KCNH5: variants seen among roughly 807,000 people sequenced by gnomAD.
KCNH5 encodes the protein voltage-gated delayed rectifier potassium channel KCNH5.
A neutral mutation model predicts 96.1 loss-of-function variants in KCNH5; 46 were observed. That is an observed-to-expected ratio of 0.48 (90% CI 0.38 to 0.61). The LOEUF (loss-of-function observed/expected upper bound fraction) is 0.61, where lower values mean the gene tolerates loss of function less well. Among genes scored for constraint, KCNH5 ranks in the 20% least tolerant of loss-of-function variants. The pLI is 0.00. For missense variants in KCNH5, 907 were observed against 1,225.8 expected (o/e 0.74, Z 3.88); for synonymous variants, 439 against 449.8 (o/e 0.98, Z 0.30).
chr14:62,968,243 T>C (rs902261623), intron 6 of KCNH5, among the ~76,000 whole-genome samples: 2 of 152,242 alleles, frequency 1.3e-5, no homozygotes, highest in African/African-American at 2.4e-5. Context: ...TTTCTCCAAA[T>C]TTTTTCCCTA....
chr14:63,006,090 C>A (rs1002054326), intron 3 of KCNH5, among the ~76,000 whole-genome samples: 4 of 152,120 alleles, frequency 2.6e-5, no homozygotes, highest in Admixed American at 2.0e-4. Flanking sequence ...ATTATAGGAT[C>A]TTTATTATAA....
chr14:62,973,303 T>A (rs777929345), intron 6 of KCNH5, among the ~76,000 whole-genome samples: 6 of 152,218 alleles, frequency 3.9e-5, no homozygotes, highest in Non-Finnish European at 5.9e-5. Context: ...AAAAATCAAC[T>A]AATTCCAAGA....
chr14:62,925,453 A>G (rs540300433), intron 7 of KCNH5, among the ~76,000 whole-genome samples: 1 of 151,968 alleles, frequency 6.6e-6, no homozygotes, highest in Non-Finnish European at 1.5e-5. Flanking sequence ...ATACTATTAT[A>G]TTTATCCTTT....
chr14:62,922,692 G>A (rs185642999), intron 7 of KCNH5, among the ~76,000 whole-genome samples: 25 of 151,988 alleles, frequency 1.6e-4, no homozygotes, highest in Non-Finnish European at 3.1e-4. Flanking sequence ...TTAACAGAAT[G>A]AAGAATAAAA....
At chr14:62,753,237 T>C (rs767647300) in intron 10 of KCNH5, among the ~76,000 whole-genome samples, 8 of 152,114 alleles carry the variant, frequency 5.3e-5, no homozygotes, top group Non-Finnish European at 8.8e-5. Flanking sequence ...AGTCTCTTAA[T>C]AGCAGAATTG....
chr14:62,700,142 A>G lies in KCNH5; in HGVS notation c.*7366T>C, dbSNP rs1019610219. The G allele has an allele frequency of 1.3e-5, 2 of 152,230 alleles. No individual in the cohort carries two copies. The highest frequency in any genetic ancestry group is 4.8e-5 in the African/African-American group (2 of 41,464). The allele number at this position is 152,230 out of a possible 1,614,324, so 9.4% of individuals were successfully genotyped here. On this transcript the variant is annotated 3_prime_UTR_variant, in exon 11 of 11. Coordinates refer to ENST00000322893, the MANE Select transcript of KCNH5 (RefSeq NM_139318.5). ...ACAAAATGCCACAACTAGTGTAAAC[A>G]AAGTCACTAGAACATAGACTAAAAA...
intron 7 of KCNH5, among the ~76,000 whole-genome samples, chr14:62,931,634 T>A (rs767819037): frequency 5.3e-5 from 8 of 152,044 alleles, no homozygotes; most frequent in Non-Finnish European, 1.0e-4. Flanking sequence ...TAATTAACAA[T>A]CTGATATGCA....
chr14:62,979,835 T>C (rs1566729001), intron 6 of KCNH5, among the ~76,000 whole-genome samples: 1 of 152,178 alleles, frequency 6.6e-6, no homozygotes, highest in Non-Finnish European at 1.5e-5. Context: ...TAAGTACTTC[T>C]AGGTGCACTG....
intron 10 of KCNH5, among the ~76,000 whole-genome samples, chr14:62,766,468 T>C (rs1350806364): frequency 6.6e-6 from 1 of 152,134 alleles, no homozygotes; most frequent in Non-Finnish European, 1.5e-5. Context: ...AAACGTGGTA[T>C]GTATGCACAC....
intron 6 of KCNH5, among the ~76,000 whole-genome samples, chr14:62,976,369 C>T (rs1045810086): frequency 2.0e-5 from 3 of 146,580 alleles, no homozygotes; most frequent in Non-Finnish European, 4.5e-5. Flanking sequence ...CGCCACTGCA[C>T]TCCAGCCTGG....
intron 8 of KCNH5, among the ~76,000 whole-genome samples, chr14:62,807,951 G>T (rs1886801110): frequency 1.3e-5 from 2 of 151,898 alleles, no homozygotes; most frequent in South Asian, 4.2e-4. Flanking sequence ...GTAAGGTAAG[G>T]CCTAGGGACG....
At chr14:62,937,556 C>A (rs1415344456) in intron 7 of KCNH5, among the ~76,000 whole-genome samples, 2 of 152,138 alleles carry the variant, frequency 1.3e-5, no homozygotes, top group Middle Eastern at 3.2e-3. Context: ...ATTTCTTTTT[C>A]ACAGAAGTAA....
At chr14:63,033,552 A>G (rs1891667932) in intron 1 of KCNH5, among the ~76,000 whole-genome samples, 1 of 152,188 alleles carries the variant, frequency 6.6e-6, no homozygotes, top group Non-Finnish European at 1.5e-5. Context: ...CACAATTTGT[A>G]ATTATATATT....
chr14:62,931,533 C>T (rs1030504974), intron 7 of KCNH5, among the ~76,000 whole-genome samples: 3 of 152,032 alleles, frequency 2.0e-5, no homozygotes, highest in African/African-American at 7.2e-5. Flanking sequence ...ACAAAAGCAA[C>T]AAAAGTTTGG....
chr14:62,802,239 CA>C, intron 9 of KCNH5, 89 bp downstream of exon 9: 1 of 1,373,438 alleles, frequency 7.3e-7, no homozygotes. Context: ...AGTTACCAAA[CA>C]AAGGAAATTT....
At position 63,001,282 on chromosome 14, in the gene KCNH5, T is replaced by C. The variant is rs1302254490; in HGVS notation, c.433+49A>G. 4 of 1,527,106 alleles carry C rather than the reference T, an allele frequency of 2.6e-6. No individual in the cohort carries two copies. In the East Asian group the frequency reaches 9.4e-5, roughly 36 times the overall value. 94.6% of individuals were successfully genotyped at this position (1,527,106 alleles called of 1,614,324 possible). On this transcript the variant is annotated intron_variant, in intron 4 of 10. Transcript: ENST00000322893. ...GCAGAGGTAAAACAGTAAGAAGATC[T>C]TTTAGCAACAGCCTAATTTTTCAGT...
At chr14:62,990,305 T>C (rs1467781989) in intron 4 of KCNH5, among the ~76,000 whole-genome samples, 1 of 152,060 alleles carries the variant, frequency 6.6e-6, no homozygotes, top group Non-Finnish European at 1.5e-5. Flanking sequence ...TGAAGCATCA[T>C]GAGCACAGAC....
chr14:62,784,861 G>A (rs1379263187), intron 9 of KCNH5, among the ~76,000 whole-genome samples: 1 of 151,954 alleles, frequency 6.6e-6, no homozygotes, highest in African/African-American at 2.4e-5. Flanking sequence ...TTCGTATCAT[G>A]GGGAAATAAA....
chr14:62,851,355 A>C (rs1001059921), intron 7 of KCNH5, among the ~76,000 whole-genome samples: 3 of 152,106 alleles, frequency 2.0e-5, no homozygotes, highest in African/African-American at 7.2e-5. Flanking sequence ...TTATTTTAAT[A>C]GTTCAAAATA....
Sources: allele counts gnomAD v4.1 joint callset (sites outside exome capture counted in the v4.1 genomes callset), GRCh38; gene constraint gnomAD v4.1.1; transcripts MANE v1.5; gene names NCBI Gene and HGNC (gene_info 2026-07-23, HGNC 2026-07-21).